The following AOX1 variants were observed in gnomAD, a reference collection of about 807,000 sequenced individuals.
AOX1 encodes the protein aldehyde oxidase 1, also known as aldehyde oxidase.
In AOX1, 153 loss-of-function variants were observed where a neutral mutation model predicts 169.5. The ratio of observed to expected loss-of-function variants is 0.90; its 90% CI spans 0.79 to 1.03. AOX1 has a LOEUF of 1.03. AOX1 is among the 50% of genes least tolerant of loss of function. The probability of loss-of-function intolerance (pLI) is 0.00; values close to 1 mark genes in which losing one functional copy is unlikely to be tolerated. For missense variants in AOX1, 1,656 were observed against 1,663.9 expected, an observed-to-expected ratio of 1.00 and a Z score of 0.08; for synonymous variants, 562 against 581.9, an observed-to-expected ratio of 0.97 and a Z score of 0.49.
chr2:200,665,704 T>C (rs2035912740), intron 31 of AOX1, among the ~76,000 whole-genome samples: 1 of 152,184 alleles, frequency 6.6e-6, no homozygotes, highest in Non-Finnish European at 1.5e-5. Flanking sequence ...AGTGCTGGGA[T>C]TACAGGCATA....
chr2:200,652,552 G>A (rs1209602895), intron 26 of AOX1, among the ~76,000 whole-genome samples: 2 of 152,222 alleles, frequency 1.3e-5, no homozygotes, highest in African/African-American at 4.8e-5. Context: ...AGCTACCAAA[G>A]AGGTCAGCTG....
rs1433589732 is a variant in AOX1 at position 200,662,857 on chromosome 2, G to A, written c.3431G>A (p.Gly1144Asp). The A allele has an allele frequency of 1.9e-6, 3 of 1,613,306 alleles. No individual in the cohort carries two copies. The highest frequency in any genetic ancestry group is 4.5e-5 in the East Asian group (2 of 44,878). The change falls in exon 31 of 35, where the codon GGT becomes GAT. Residue 1144 changes from glycine (G) to aspartate (D), a missense_variant and splice_region_variant. Coordinates refer to ENST00000374700, the MANE Select transcript of AOX1 (RefSeq NM_001159.4). Reference protein sequence around the residue: ...INLSAVGYFRGYESDMNWEKG... With the variant: ...INLSAVGYFRDYESDMNWEKG... ...ACAACACTCACTGTTTCTTCCAGAGGTTATGAGTCAGACATGAACTGGGAG... is the reference window on the plus strand; with the variant it reads ...ACAACACTCACTGTTTCTTCCAGAGATTATGAGTCAGACATGAACTGGGAG...
chr2:200,678,278 G>A (rs1445675434), downstream of AOX1: 1 of 152,188 alleles, frequency 6.6e-6, no homozygotes, highest in Admixed American at 6.5e-5. Context: ...AAGTGGTGAT[G>A]AGAATTAAAA....
chr2:200,644,885 A>T (rs2035419202), intron 25 of AOX1, among the ~76,000 whole-genome samples: 1 of 152,134 alleles, frequency 6.6e-6, no homozygotes. Context: ...TGATTTGTGT[A>T]CATTAGTCTT....
chr2:200,653,332 A>G (rs1375337580), intron 26 of AOX1, among the ~76,000 whole-genome samples: 2 of 152,248 alleles, frequency 1.3e-5, no homozygotes, highest in Non-Finnish European at 2.9e-5. Context: ...TGGAGGGCAC[A>G]TGCTAAAAGC....
chr2:200,670,720 C>T lies in AOX1; in HGVS notation c.*41C>T. On this transcript the variant is annotated 3_prime_UTR_variant, in exon 35 of 35. Transcript: ENST00000374700. Reference sequence around the variant, plus strand: ...CTGGAGAAAACAGAGTGCCTCTTCCCAGATGGCAATCTGTCCTATCTCTGT... The same window carrying T: ...CTGGAGAAAACAGAGTGCCTCTTCCTAGATGGCAATCTGTCCTATCTCTGT... 1.3e-6 allele frequency: 2 copies of T among 1,520,014 alleles called. No homozygotes were observed. The highest frequency in any genetic ancestry group is 9.1e-7 in the Non-Finnish European group (1 of 1,096,600). The allele number at this position is 1,520,014 out of a possible 1,614,324, so 94.2% of individuals were successfully genotyped here.
intron 21 of AOX1, among the ~76,000 whole-genome samples, chr2:200,636,429 G>A (rs2035235268): frequency 6.6e-6 from 1 of 151,996 alleles, no homozygotes; most frequent in Non-Finnish European, 1.5e-5. Context: ...ACATCTGGCT[G>A]AGAAGTGCTT....
intron 24 of AOX1, among the ~76,000 whole-genome samples, chr2:200,642,182 T>C (rs578133441): frequency 6.6e-6 from 1 of 152,178 alleles, no homozygotes; most frequent in Admixed American, 6.5e-5. Context: ...TCTCCAGACA[T>C]TGCCAGACGT....
intron 5 of AOX1, among the ~76,000 whole-genome samples, chr2:200,601,253 A>C (rs1201115737): frequency 6.6e-6 from 1 of 152,172 alleles, no homozygotes; most frequent in Non-Finnish European, 1.5e-5. Flanking sequence ...GAGGAATCTA[A>C]AGTAGTCAAA....
chr2:200,660,134 A>G, intron 29 of AOX1, 65 bp downstream of exon 29: 2 of 1,302,294 alleles, frequency 1.5e-6, no homozygotes, highest in Non-Finnish European at 1.1e-6. Flanking sequence ...GAGCAAGAGC[A>G]ATGTGCATTA....
chr2:200,627,287 G>A (rs1401343373), intron 19 of AOX1, 66 bp from the exon 20 acceptor site: 28 of 996,180 alleles, frequency 2.8e-5, no homozygotes, highest in Non-Finnish European at 4.1e-5. Flanking sequence ...GTGCAGTGGG[G>A]TGTGTCTGCT....
In AOX1 at chr2:200,615,107, G is replaced by A. The variant is rs540834799; in HGVS notation, c.1612-864G>A. ...TGCAGCCTCAACTTCCTGGACTCAA[G>A]CAATTCTCCCACCTCAGCCTCCCAA... is the stretch of plus-strand genomic sequence containing the variant. On this transcript the variant is annotated intron_variant, in intron 15 of 34. Transcript: ENST00000374700. Among the ~76,000 whole-genome samples, 12 of 152,124 alleles carry A rather than the reference G, an allele frequency of 7.9e-5. No individual in the cohort carries two copies. In the South Asian group the frequency reaches 1.2e-3, roughly 16 times the overall value.
chr2:200,634,762 C>A (rs775672477), intron 20 of AOX1, 29 bp from the exon 21 acceptor site: 62 of 1,612,716 alleles, frequency 3.8e-5, no homozygotes, highest in Admixed American at 6.7e-5. Flanking sequence ...TGACTGCTTC[C>A]TTGACTTTTA....
intron 13 of AOX1, 128 bp downstream of exon 13, chr2:200,611,621 G>A: frequency 1.6e-6 from 1 of 642,758 alleles, no homozygotes; most frequent in Non-Finnish European, 2.8e-6. Context: ...ACTTCAGGAA[G>A]TGGTATGAGG....
chr2:200,602,590 G>A (rs537955251), intron 6 of AOX1, among the ~76,000 whole-genome samples: 2 of 152,220 alleles, frequency 1.3e-5, no homozygotes, highest in African/African-American at 4.8e-5. Flanking sequence ...TTGCTTCCAA[G>A]AGGTCTTTCC....
intron 4 of AOX1, among the ~76,000 whole-genome samples, chr2:200,598,653 A>G (rs1445098455): frequency 3.4e-5 from 2 of 59,118 alleles, no homozygotes; most frequent in Non-Finnish European, 9.9e-5. Flanking sequence ...CTGAAGCAGG[A>G]ATAATCACTT....
At chr2:200,633,121 T>C (rs2035161665) in intron 20 of AOX1, among the ~76,000 whole-genome samples, 1 of 152,180 alleles carries the variant, frequency 6.6e-6, no homozygotes, top group South Asian at 2.1e-4. Flanking sequence ...CTCCTATAGA[T>C]GAAGTAGTGT....
Position 200,656,732 on chromosome 2 carries a change from G to C in AOX1, c.3076-110G>C, listed in dbSNP as rs571467145. ...AACCTAAAATGTTGCTCCACCCTGGGGGGTGCGGGATTCTTGGAGGGAAAT... is the reference window on the plus strand; with the variant it reads ...AACCTAAAATGTTGCTCCACCCTGGCGGGTGCGGGATTCTTGGAGGGAAAT... On this transcript the variant is annotated intron_variant, in intron 26 of 34. Coordinates refer to ENST00000374700, the MANE Select transcript of AOX1 (RefSeq NM_001159.4). The C allele has an allele frequency of 4.0e-4, 298 of 740,610 alleles. 1 individual carries two copies. The African/African-American group carries it at 4.8e-3, about 12-fold the overall frequency. The allele number at this position is 740,610 out of a possible 1,614,324, so 45.9% of individuals were successfully genotyped here. A position where few individuals can be genotyped will look rare whatever the true frequency, so the allele number is the denominator to read the frequency against.
At chr2:200,672,662 T>G (rs1314322276), downstream of AOX1, among the ~76,000 whole-genome samples, 1 of 152,116 alleles carries the variant, frequency 6.6e-6, no homozygotes, top group Non-Finnish European at 1.5e-5. Flanking sequence ...TTAAAAATAA[T>G]AAGTAAATTA....
Sources: allele counts gnomAD v4.1 joint callset (sites outside exome capture counted in the v4.1 genomes callset), GRCh38; gene constraint gnomAD v4.1.1; transcripts MANE v1.5; gene names NCBI Gene and HGNC (gene_info 2026-07-23, HGNC 2026-07-21).